Variants in FOXO1 observed in about 807,000 individuals in gnomAD.
FOXO1 encodes forkhead box O1.
FOXO1 carries 6 observed loss-of-function variants against 44.1 expected under a neutral mutation model. The observed-to-expected ratio is 0.14, with a 90% CI of 0.07 to 0.27. The LOEUF (loss-of-function observed/expected upper bound fraction) is 0.27, where lower values mean the gene tolerates loss of function less well. Ranked by LOEUF, FOXO1 falls within the 10% of genes least tolerant of loss-of-function variation. FOXO1 has a pLI of 1.00. For missense variants in FOXO1, 737 were observed against 888.8 expected (o/e 0.83, Z 2.17); for synonymous variants, 380 against 362.7 (o/e 1.05, Z -0.54).
At chr13:40,630,763 T>C (rs1456924394) in intron 1 of FOXO1, among the ~76,000 whole-genome samples, 2 of 152,010 alleles carry the variant, frequency 1.3e-5, no homozygotes, top group Non-Finnish European at 2.9e-5. Context: ...GACTACAAGC[T>C]TTGCCAACAC....
intron 1 of FOXO1, chr13:40,620,038 CA>C: frequency 2.3e-6 from 2 of 867,766 alleles, no homozygotes; most frequent in Non-Finnish European, 3.7e-6. Context: ...TAGACCAGTA[CA>C]GCAAACCACT....
At chr13:40,585,610 T>G (rs1195903273) in intron 1 of FOXO1, among the ~76,000 whole-genome samples, 1 of 152,192 alleles carries the variant, frequency 6.6e-6, no homozygotes, top group African/African-American at 2.4e-5. Context: ...GTATTTGCCC[T>G]GAAGACATGA....
At chr13:40,597,725 G>A (rs1402342506) in intron 1 of FOXO1, among the ~76,000 whole-genome samples, 3 of 152,162 alleles carry the variant, frequency 2.0e-5, no homozygotes, top group Non-Finnish European at 4.4e-5. Context: ...TCGCACCCTG[G>A]GAGCTTCTAA....
At chr13:40,658,270 T>A (rs1260165090) in intron 1 of FOXO1, among the ~76,000 whole-genome samples, 2 of 152,014 alleles carry the variant, frequency 1.3e-5, no homozygotes, top group Non-Finnish European at 2.9e-5. Flanking sequence ...AGGGGAATGG[T>A]TAGCGGGTAG....
chr13:40,599,200 C>G (rs1327973409), intron 1 of FOXO1, among the ~76,000 whole-genome samples: 1 of 144,962 alleles, frequency 6.9e-6, no homozygotes, highest in African/African-American at 2.6e-5. Flanking sequence ...CAATAAAAGT[C>G]AAGTGAAAAA....
At chr13:40,641,514 T>C (rs1877352864) in intron 1 of FOXO1, among the ~76,000 whole-genome samples, 1 of 152,098 alleles carries the variant, frequency 6.6e-6, no homozygotes, top group Non-Finnish European at 1.5e-5. Flanking sequence ...ATTGTCAGTA[T>C]GTGCATTAAT....
Position 40,646,380 on chromosome 13 carries a change from A to C in FOXO1, c.630+19203T>G, listed in dbSNP as rs1436828927. Among the ~76,000 whole-genome samples, 11 of 146,736 alleles carry C rather than the reference A, an allele frequency of 7.5e-5. No homozygotes were observed. The Admixed American group carries it at 7.7e-4, about 10-fold the overall frequency. On this transcript the variant is annotated intron_variant, in intron 1 of 2. Transcript: ENST00000379561. Reference sequence around the variant, plus strand: ...GTATTTTTACTAGAGATGGGGTTTCACCATATTGGCCAGGCTGGTCTCAAA... The same window carrying C: ...GTATTTTTACTAGAGATGGGGTTTCCCCATATTGGCCAGGCTGGTCTCAAA...
In FOXO1 at chr13:40,619,263, C is replaced by T. The variant is rs1216793578; in HGVS notation, c.630+46320G>A. 3 of 384,876 alleles carry T rather than the reference C, an allele frequency of 7.8e-6. No individual in the cohort carries two copies. In the East Asian group the frequency reaches 2.0e-4, roughly 25 times the overall value. The allele number at this position is 384,876 out of a possible 1,614,324, so 23.8% of individuals were successfully genotyped here. ...GAGCCGAGATCATGCCATTGCACTC[C>T]AGCCTAGGCAGCAAGAGTGAAACTC... is the stretch of plus-strand genomic sequence containing the variant. On this transcript the variant is annotated intron_variant, in intron 1 of 2. Coordinates refer to ENST00000379561, the MANE Select transcript of FOXO1 (RefSeq NM_002015.4).
chr13:40,607,634 T>C (rs191253157), intron 1 of FOXO1, among the ~76,000 whole-genome samples: 1 of 152,344 alleles, frequency 6.6e-6, no homozygotes, highest in African/African-American at 2.4e-5. Context: ...CTATTTAGTA[T>C]TGTACACATA....
chr13:40,584,155 G>A (rs995900099), intron 1 of FOXO1, among the ~76,000 whole-genome samples: 2 of 152,052 alleles, frequency 1.3e-5, no homozygotes, highest in Non-Finnish European at 2.9e-5. Context: ...TCTTATATGG[G>A]TATTAGAATT....
rs146815884 is a variant in FOXO1, at chr13:40,640,298, G to A, written c.630+25285C>T. Reference sequence around the variant, plus strand: ...GATAAGGAAAGGGAAAGGGAGGGACGATGAACATTATTTGGAAGCAGAGTC... The same window carrying A: ...GATAAGGAAAGGGAAAGGGAGGGACAATGAACATTATTTGGAAGCAGAGTC... On this transcript the variant is annotated intron_variant, in intron 1 of 2. Coordinates refer to ENST00000379561, the MANE Select transcript of FOXO1 (RefSeq NM_002015.4). 2.6e-5 allele frequency among the ~76,000 whole-genome samples: 4 copies of A among 152,324 alleles called. No homozygotes were observed. The East Asian group carries it at 5.8e-4, about 22-fold the overall frequency.
At chr13:40,621,698 T>C (rs1206663032) in intron 1 of FOXO1, among the ~76,000 whole-genome samples, 1 of 152,236 alleles carries the variant, frequency 6.6e-6, no homozygotes, top group Non-Finnish European at 1.5e-5. Context: ...CAGCAGACTT[T>C]ACTTTCAAGT....
At chr13:40,665,305 T>G (rs1290101814) in intron 1 of FOXO1, among the ~76,000 whole-genome samples, 1 of 152,140 alleles carries the variant, frequency 6.6e-6, no homozygotes, top group Admixed American at 6.5e-5. Context: ...CTTTTCGGCC[T>G]CGCTCTGACG....
At chr13:40,595,491 A>G (rs1190188441) in intron 1 of FOXO1, among the ~76,000 whole-genome samples, 3 of 152,206 alleles carry the variant, frequency 2.0e-5, no homozygotes, top group Non-Finnish European at 4.4e-5. Context: ...CTGACACATG[A>G]TAATTAAACA....
intron 1 of FOXO1, among the ~76,000 whole-genome samples, chr13:40,590,644 C>A (rs571945654): frequency 6.6e-6 from 1 of 152,366 alleles, no homozygotes; most frequent in South Asian, 2.1e-4. Context: ...CAAAGGCTCA[C>A]ACCTGTTTCA....
intron 1 of FOXO1, among the ~76,000 whole-genome samples, chr13:40,588,999 G>A (rs1467239714): frequency 1.3e-5 from 2 of 152,128 alleles, no homozygotes; most frequent in Admixed American, 1.3e-4. Context: ...CGGCTACTTT[G>A]GAGGCTGAGG....
intron 1 of FOXO1, chr13:40,619,251 G>GCA: frequency 1.1e-5 from 4 of 380,672 alleles, no homozygotes; most frequent in South Asian, 2.2e-5. Context: ...CCGAGATCAT[G>GCA]CCATTGCACT....
At chr13:40,636,482 C>T (rs915525236) in intron 1 of FOXO1, among the ~76,000 whole-genome samples, 4 of 148,976 alleles carry the variant, frequency 2.7e-5, no homozygotes, top group South Asian at 4.2e-4. Flanking sequence ...CCAGCCTGGT[C>T]GATATAGCAA....
At chr13:40,590,191 G>A (rs557079507) in intron 1 of FOXO1, among the ~76,000 whole-genome samples, 3 of 152,178 alleles carry the variant, frequency 2.0e-5, no homozygotes, top group East Asian at 3.9e-4. Context: ...GCATAGTGAC[G>A]CAAAGAAAAG....
Sources: gnomAD v4.1 joint callset for allele counts (sites outside exome capture counted in the v4.1 genomes callset) on GRCh38, gnomAD v4.1.1 for gene constraint, MANE v1.5 for transcripts, NCBI Gene and HGNC (gene_info 2026-07-23, HGNC 2026-07-21) for gene names.